The following POU6F2 variants were observed in gnomAD, a reference collection of about 807,000 sequenced individuals.
The protein encoded by POU6F2 is POU class 6 homeobox 2, also known as POU domain, class 6, transcription factor 2.
POU6F2 carries 31 observed loss-of-function variants against 71.3 expected under a neutral mutation model. The ratio of observed to expected loss-of-function variants is 0.43; its 90% CI spans 0.33 to 0.59. The LOEUF (loss-of-function observed/expected upper bound fraction) is 0.59. Ranked by LOEUF, POU6F2 falls within the 20% of genes least tolerant of loss-of-function variation. The pLI is 0.04. For missense variants in POU6F2, 783 were observed against 856.8 expected (o/e 0.91, Z 1.07); for synonymous variants, 347 against 355.7 (o/e 0.98, Z 0.27).
At chr7:38,986,590 C>T (rs985893575) in intron 1 of POU6F2, among the ~76,000 whole-genome samples, 12 of 152,156 alleles carry the variant, frequency 7.9e-5, no homozygotes, top group African/African-American at 2.4e-4. Context: ...AGTACATGAA[C>T]GCAATTCTTA....
At chr7:39,047,249 G>C (rs78589061) in intron 1 of POU6F2, among the ~76,000 whole-genome samples, 9,831 of 151,832 alleles carry the variant, frequency 0.065, 583 homozygotes, top group African/African-American at 0.15. Context: ...CACAAAAAAA[G>C]CCTATTGAAA....
At chr7:39,188,944 A>G (rs1793601264) in intron 2 of POU6F2, among the ~76,000 whole-genome samples, 1 of 152,232 alleles carries the variant, frequency 6.6e-6, no homozygotes, top group South Asian at 2.1e-4. Context: ...GAAGCTCTTC[A>G]TTACCAAATG....
At position 39,331,513 on chromosome 7, in the gene POU6F2, TG is replaced by T. The variant is rs920688245; in HGVS notation, c.599-8128del. ...CCGGTTTTGTTTTGTTTTGTTTTGT[TG>T]TTGTTGTTTTTGAAATGGAGTCTCG... is the stretch of plus-strand genomic sequence containing the variant. On this transcript the variant is annotated intron_variant, in intron 4 of 9. Transcript: ENST00000518318. 6.6e-5 allele frequency among the ~76,000 whole-genome samples: 10 copies of T among 152,188 alleles called. No individual in the cohort carries two copies. In the East Asian group the frequency reaches 7.7e-4, roughly 12 times the overall value.
At chr7:39,276,714 A>G (rs1280685118) in intron 4 of POU6F2, among the ~76,000 whole-genome samples, 1 of 152,010 alleles carries the variant, frequency 6.6e-6, no homozygotes, top group African/African-American at 2.4e-5. Context: ...ATGGAATACT[A>G]TGCATCCATA....
At chr7:39,010,607 T>C (rs1789247398) in intron 1 of POU6F2, among the ~76,000 whole-genome samples, 1 of 142,342 alleles carries the variant, frequency 7.0e-6, no homozygotes, top group African/African-American at 2.6e-5. Context: ...TTCTTTTAAT[T>C]GTGATGTTAG....
chr7:39,200,456 T>C (rs1369582785), intron 2 of POU6F2, among the ~76,000 whole-genome samples: 1 of 152,192 alleles, frequency 6.6e-6, no homozygotes, highest in East Asian at 1.9e-4. Context: ...CTGATTATGC[T>C]ACCATGGACT....
chr7:39,275,237 A>G, intron 4 of POU6F2, among the ~76,000 whole-genome samples: 1 of 151,786 alleles, frequency 6.6e-6, no homozygotes, highest in South Asian at 2.1e-4. Context: ...AAAAATCACA[A>G]GCATTCTTAC....
chr7:39,028,128 T>C (rs1331569338), intron 1 of POU6F2, among the ~76,000 whole-genome samples: 1 of 152,124 alleles, frequency 6.6e-6, no homozygotes, highest in Non-Finnish European at 1.5e-5. Context: ...TTGACATTCC[T>C]ATTTTATCTC....
intron 2 of POU6F2, among the ~76,000 whole-genome samples, chr7:39,130,826 G>C (rs1346877090): frequency 6.6e-6 from 1 of 152,214 alleles, no homozygotes; most frequent in Non-Finnish European, 1.5e-5. Flanking sequence ...TATCTGAAAA[G>C]TCACTGTTTA....
At chr7:39,373,782 G>C in intron 5 of POU6F2, 1 of 302,874 alleles carries the variant, frequency 3.3e-6, no homozygotes, top group Non-Finnish European at 6.5e-6. Flanking sequence ...AGAGAGCAAA[G>C]GTATCTGTAT....
chr7:39,340,752 CATATATAT>C (rs149719876), intron 5 of POU6F2, among the ~76,000 whole-genome samples: 1 of 35,824 alleles, frequency 2.8e-5, no homozygotes, highest in African/African-American at 1.1e-4. Flanking sequence ...TAGGTGCATT[CATATATAT>C]ATATATATAT....
chr7:39,354,339 C>A (rs1489354873), intron 5 of POU6F2, among the ~76,000 whole-genome samples: 2 of 152,170 alleles, frequency 1.3e-5, no homozygotes, highest in Non-Finnish European at 2.9e-5. Flanking sequence ...GAGTGGGAAT[C>A]AAAAGGTCAG....
intron 4 of POU6F2, among the ~76,000 whole-genome samples, chr7:39,311,932 G>T (rs530099502): frequency 6.6e-6 from 1 of 151,998 alleles, no homozygotes; most frequent in African/African-American, 2.4e-5. Context: ...AGAATTAGGG[G>T]CTACAGAAAC....
chr7:39,229,899 T>C (rs1179401397), intron 4 of POU6F2, among the ~76,000 whole-genome samples: 1 of 152,250 alleles, frequency 6.6e-6, no homozygotes, highest in African/African-American at 2.4e-5. Context: ...CTCACGTTTA[T>C]TGAGCACATA....
At chr7:39,275,833 A>G (rs922085700) in intron 4 of POU6F2, among the ~76,000 whole-genome samples, 5 of 151,770 alleles carry the variant, frequency 3.3e-5, no homozygotes, top group African/African-American at 1.2e-4. Flanking sequence ...TGGTGCTGGG[A>G]AAACTGGCTA....
At chr7:39,382,685 C>T (rs749643312) in intron 5 of POU6F2, among the ~76,000 whole-genome samples, 5 of 152,140 alleles carry the variant, frequency 3.3e-5, no homozygotes, top group Non-Finnish European at 5.9e-5. Flanking sequence ...GGAAAGAACT[C>T]AAGCAAGAGC....
At chr7:39,263,975 G>A (rs1784192945) in intron 4 of POU6F2, among the ~76,000 whole-genome samples, 1 of 152,214 alleles carries the variant, frequency 6.6e-6, no homozygotes, top group African/African-American at 2.4e-5. Context: ...CAGCTCCTCA[G>A]TCTGACTTCC....
chr7:39,015,517 A>ATT (rs1789461979), intron 1 of POU6F2, among the ~76,000 whole-genome samples: 1 of 20,606 alleles, frequency 4.9e-5, no homozygotes, highest in African/African-American at 1.1e-4. Flanking sequence ...TTATATATAT[A>ATT]ATATATCTAT....
Position 39,207,629 on chromosome 7 carries a change from T to A in POU6F2, c.598+9T>A, listed in dbSNP as rs773153150. ...ACTGCAAAATCTACAAGGTAATCCA[T>A]AATGTCCATGCGCCACGTAAGGCTC... On this transcript the variant is annotated intron_variant, in intron 4 of 9. Coordinates refer to ENST00000518318, the MANE Select transcript of POU6F2 (RefSeq NM_001370959.1). 1 of 1,611,358 alleles carries A rather than the reference T, an allele frequency of 6.2e-7. No homozygotes were observed. The highest frequency in any genetic ancestry group is 8.5e-7 in the Non-Finnish European group (1 of 1,178,174).
Sources: gnomAD v4.1 joint callset for allele counts (sites outside exome capture counted in the v4.1 genomes callset) on GRCh38, gnomAD v4.1.1 for gene constraint, MANE v1.5 for transcripts, NCBI Gene and HGNC (gene_info 2026-07-23, HGNC 2026-07-21) for gene names.